GIT2: variants seen among roughly 807,000 people sequenced by gnomAD.
The protein encoded by GIT2 is GIT ArfGAP 2, also known as ARF GTPase-activating protein GIT2.
A neutral mutation model predicts 100.3 loss-of-function variants in GIT2; 32 were observed. That is an observed-to-expected ratio of 0.32 (90% CI 0.24 to 0.43). The LOEUF (loss-of-function observed/expected upper bound fraction) is 0.43. Among genes scored for constraint, GIT2 ranks in the 20% least tolerant of loss-of-function variants. The pLI is 1.00. For missense variants in GIT2, 737 were observed against 975.1 expected, an observed-to-expected ratio of 0.76 and a Z score of 3.25; for synonymous variants, 353 against 364.1, an observed-to-expected ratio of 0.97 and a Z score of 0.35.
intron 16 of GIT2, among the ~76,000 whole-genome samples, chr12:109,943,474 A>C (rs1875344109): frequency 6.6e-6 from 1 of 152,082 alleles, no homozygotes; most frequent in Non-Finnish European, 1.5e-5. Context: ...ATCTGGGATT[A>C]CAGGCATGCG....
At chr12:109,965,396 G>A in intron 9 of GIT2, 130 bp downstream of exon 9, 1 of 618,858 alleles carries the variant, frequency 1.6e-6, no homozygotes, top group Non-Finnish European at 2.9e-6. Context: ...TCAACAGTCT[G>A]CTTCTAGTTT....
rs1876567888 is a variant in GIT2, at chr12:109,947,147, T to C, written c.1641+109A>G. 3 of 985,406 alleles carry C rather than the reference T, an allele frequency of 3.0e-6. No homozygotes were observed. The highest frequency in any genetic ancestry group is 4.8e-5 in the East Asian group (2 of 41,638). 61.0% of individuals were successfully genotyped at this position (985,406 alleles called of 1,614,324 possible). On this transcript the variant is annotated intron_variant, in intron 15 of 19. Transcript: ENST00000355312. The surrounding 1 kb of genome is among the most constrained non-coding windows in gnomAD (Gnocchi z 4.3). ...ACAGCAAACACAATGGTAACTCTCT[T>C]AGTCCAATTTGGCAAAGCAGAGCTG...
rs150083407 is a variant in GIT2, at chr12:109,952,859, A to G, written c.1242+233T>C. The G allele has an allele frequency of 2.2e-3, 1,265 of 577,942 alleles. 13 individuals carry two copies. The highest frequency in any genetic ancestry group is 2.1e-3 in the East Asian group (73 of 34,510). 35.8% of individuals were successfully genotyped at this position (577,942 alleles called of 1,614,324 possible). Reference sequence around the variant, plus strand: ...TATCCAGAGAAGTCACTCAGTAAACACTTGTTGAATGAATAAAACACACCA... The same window carrying G: ...TATCCAGAGAAGTCACTCAGTAAACGCTTGTTGAATGAATAAAACACACCA... On this transcript the variant is annotated intron_variant, in intron 13 of 19. Coordinates refer to ENST00000355312, the MANE Select transcript of GIT2 (RefSeq NM_057169.5).
At chr12:109,938,328 T>G in intron 18 of GIT2, 52 bp downstream of exon 18, 1 of 1,340,836 alleles carries the variant, frequency 7.5e-7, no homozygotes, top group South Asian at 1.3e-5. Flanking sequence ...ATCATCCCTT[T>G]CTGGGCGCAT....
intron 7 of GIT2, among the ~76,000 whole-genome samples, chr12:109,972,969 C>T (rs938551012): frequency 1.6e-4 from 25 of 151,958 alleles, no homozygotes; most frequent in African/African-American, 5.6e-4. Flanking sequence ...ACTACAGGCA[C>T]GTGCCATCAG....
intron 16 of GIT2, among the ~76,000 whole-genome samples, chr12:109,945,034 C>T (rs149821314): frequency 1.3e-3 from 204 of 152,240 alleles, no homozygotes; most frequent in African/African-American, 4.3e-3. Context: ...TTAAATATGA[C>T]GTGAACATGA....
intron 4 of GIT2, among the ~76,000 whole-genome samples, chr12:109,986,381 C>G (rs985670827): frequency 6.6e-6 from 1 of 152,258 alleles, no homozygotes; most frequent in South Asian, 2.1e-4. Flanking sequence ...CCTGTAGTCC[C>G]GGCACTTTGG....
intron 4 of GIT2, among the ~76,000 whole-genome samples, chr12:109,987,887 G>A (rs1223395183): frequency 6.6e-6 from 1 of 152,140 alleles, no homozygotes. Context: ...AAAAACATGC[G>A]AAGGCCCACA....
chr12:109,933,803 G>A lies in GIT2; in HGVS notation c.2067+219C>T, dbSNP rs1872229575. On this transcript the variant is annotated intron_variant, in intron 19 of 19. Transcript: ENST00000355312. The surrounding 1 kb of genome is among the most constrained non-coding windows in gnomAD (Gnocchi z 4.5). ...TTTAGTAGAGACAGGGTCTCTCCAT[G>A]TTGGTCAGGCTGGCCTCGAACTCCC... The A allele has an allele frequency of 2.0e-6, 1 of 502,718 alleles. No homozygotes were observed. The highest frequency in any genetic ancestry group is 3.6e-6 in the Non-Finnish European group (1 of 275,216). 31.1% of individuals were successfully genotyped at this position (502,718 alleles called of 1,614,324 possible). A position where few individuals can be genotyped will look rare whatever the true frequency, so the allele number is the denominator to read the frequency against.
chr12:109,936,905 A>G (rs1306849911), intron 18 of GIT2, among the ~76,000 whole-genome samples: 1 of 151,566 alleles, frequency 6.6e-6, no homozygotes, highest in Non-Finnish European at 1.5e-5. Context: ...TTGGAAAGCC[A>G]TGGGACACTT....
chr12:109,983,708 A>G lies in GIT2; in HGVS notation c.406-14T>C, dbSNP rs747645733. On this transcript the variant is annotated splice_polypyrimidine_tract_variant and intron_variant, in intron 4 of 19. Coordinates refer to ENST00000355312, the MANE Select transcript of GIT2 (RefSeq NM_057169.5). The stretch of plus-strand genomic sequence containing the variant: ...CGAATGGAGTTGCTGAAAAACGCAG[A>G]AACAAAAAAGGAATCGTGGTTAGAG... 1 of 1,591,212 alleles carries G rather than the reference A, an allele frequency of 6.3e-7. No homozygotes were observed. Among genetic ancestry groups the G allele is most frequent in the East Asian group, 2.2e-5 (1 of 44,784 alleles).
At chr12:109,960,506 G>A (rs761700681) in intron 11 of GIT2, among the ~76,000 whole-genome samples, 10 of 152,052 alleles carry the variant, frequency 6.6e-5, no homozygotes, top group Non-Finnish European at 1.0e-4. Flanking sequence ...GCTTGGGTCC[G>A]GGAGGTGGAG....
At chr12:109,975,622 A>G (rs572746822) in intron 7 of GIT2, among the ~76,000 whole-genome samples, 2 of 151,902 alleles carry the variant, frequency 1.3e-5, no homozygotes, top group Non-Finnish European at 2.9e-5. Flanking sequence ...CTATAATGTT[A>G]TTATTTATTT....
intron 13 of GIT2, chr12:109,952,643 C>T (rs896587287): frequency 1.7e-5 from 9 of 519,444 alleles, no homozygotes; most frequent in Admixed American, 5.8e-5. Context: ...TCCCTTGAGG[C>T]GCATCTTAAG....
In GIT2 at chr12:109,962,920, C is replaced by T. The variant is rs1408647916; in HGVS notation, c.817-1235G>A. Among the ~76,000 whole-genome samples, 1 of 152,110 alleles carries T rather than the reference C, an allele frequency of 6.6e-6. No homozygotes were observed. The highest frequency in any genetic ancestry group is 1.5e-5 in the Non-Finnish European group (1 of 68,024). ...GGGAGGCAGAGGCAGGAAGATCACT[C>T]ACTTGAGCCTGGGAGTTCAAGGCTG... On this transcript the variant is annotated intron_variant, in intron 9 of 19. Transcript: ENST00000355312. The surrounding 1 kb of genome is among the most constrained non-coding windows in gnomAD (Gnocchi z 4.3).
rs1850956451 is a variant in GIT2, at chr12:109,961,356, G to A, written c.909C>T (p.Asn303=). Residue 303 remains asparagine, a synonymous_variant, in exon 11 of 20, where the codon AAC becomes AAT. Coordinates refer to ENST00000355312, the MANE Select transcript of GIT2 (RefSeq NM_057169.5). The stretch of plus-strand genomic sequence containing the variant: ...TTGTCTCGGTTACCAGGGCGCTGTG[G>A]TTTTGCGTGGCAAGCCAGACTAGTC... ...ETDAVWLATQ[N]HSALVTETTV... is the part of the protein sequence containing the mutation. 1 of 1,612,274 alleles carries A rather than the reference G, an allele frequency of 6.2e-7. No homozygotes were observed. The highest frequency in any genetic ancestry group is 1.3e-5 in the African/African-American group (1 of 74,904).
In GIT2 at chr12:109,932,579, T is replaced by C. The variant is rs188190984; in HGVS notation, c.*399A>G. 212 of 171,182 alleles carry C rather than the reference T, an allele frequency of 1.2e-3. No homozygotes were observed. The highest frequency in any genetic ancestry group is 4.8e-3 in the African/African-American group (199 of 41,772). 10.6% of individuals were successfully genotyped at this position (171,182 alleles called of 1,614,324 possible). ...CTTGGCAGGGAACAAATGACGCTGA[T>C]TTTTTCTTTTTTAACTGAACTCTCT... On this transcript the variant is annotated 3_prime_UTR_variant, in exon 20 of 20. Transcript: ENST00000355312.
chr12:109,947,391 C>A lies in GIT2; in HGVS notation c.1506G>T (p.Lys502Asn), dbSNP rs1314147946. 6.2e-7 allele frequency: 1 copy of A among 1,614,156 alleles called. No individual in the cohort carries two copies. Among genetic ancestry groups the A allele is most frequent in the Non-Finnish European group, 8.5e-7 (1 of 1,180,016 alleles). Residue 502 changes from lysine (K) to asparagine (N), a missense_variant, in exon 15 of 20, where the codon AAG (lysine) becomes AAT (asparagine). By Grantham distance (94) the Lys-to-Asn change is moderately conservative. Transcript: ENST00000355312. The surrounding 1 kb of genome is among the most constrained non-coding windows in gnomAD (Gnocchi z 4.3). The part of the protein sequence containing the change: ...YTDTSNHSSL[K>N]RRPSARGSRP... ...TACTGCCCCGGGCAGACGGACGTCT[C>A]TTTAAGGAAGAGTGGTTGGAAGTGT...
chr12:109,997,131 G>C (rs1368873121), upstream of GIT2, among the ~76,000 whole-genome samples: 3 of 151,312 alleles, frequency 2.0e-5, no homozygotes, highest in Admixed American at 6.6e-5. Context: ...CTTGAACCCA[G>C]GGGGTGGAGG....
Sources: allele counts gnomAD v4.1 joint callset (sites outside exome capture counted in the v4.1 genomes callset), GRCh38; gene constraint gnomAD v4.1.1; non-coding constraint Gnocchi (gnomAD v3.1); transcripts MANE v1.5; gene names NCBI Gene and HGNC (gene_info 2026-07-23, HGNC 2026-07-21).